The following LPIN1 variants were observed in gnomAD, a reference collection of about 807,000 sequenced individuals.
The protein encoded by LPIN1 is phosphatidate phosphatase LPIN1.
A neutral mutation model predicts 107.5 loss-of-function variants in LPIN1; 71 were observed. The observed-to-expected ratio is 0.66, with a 90% CI of 0.55 to 0.80. LPIN1 has a LOEUF of 0.80. Among genes scored for constraint, LPIN1 ranks in the 30% least tolerant of loss-of-function variants. LPIN1 has a pLI of 0.00. For missense variants in LPIN1, 1,043 were observed against 1,160.6 expected (o/e 0.90, Z 1.47); for synonymous variants, 445 against 452.6 (o/e 0.98, Z 0.21).
In LPIN1 at chr2:11,805,006, A is replaced by T. The variant is rs1183028760; in HGVS notation, c.2163-64A>T. On this transcript the variant is annotated intron_variant, in intron 16 of 20. Coordinates refer to ENST00000674199, the MANE Select transcript of LPIN1 (RefSeq NM_001349206.2). ...TGTTTTTTTTTTTTTTTTATGAGGC[A>T]TGAATGGTGCAATGAATCTGAAAGG... The T allele has an allele frequency of 4.4e-5, 42 of 947,986 alleles. No homozygotes were observed. The African/African-American group carries it at 4.9e-4, about 11-fold the overall frequency. The allele number at this position is 947,986 out of a possible 1,614,324, so 58.7% of individuals were successfully genotyped here. A position where few individuals can be genotyped will look rare whatever the true frequency, so the allele number is the denominator to read the frequency against.
intron 2 of LPIN1, among the ~76,000 whole-genome samples, chr2:11,717,113 TA>T (rs1356301130): frequency 6.6e-6 from 1 of 152,216 alleles, no homozygotes; most frequent in Non-Finnish European, 1.5e-5. Flanking sequence ...GATTTACATT[TA>T]TTTTTGAAAC....
intron 1 of LPIN1, among the ~76,000 whole-genome samples, chr2:11,760,652 G>A (rs1002328642): frequency 2.6e-5 from 4 of 152,126 alleles, no homozygotes; most frequent in African/African-American, 7.2e-5. Flanking sequence ...CTTCGGCTCG[G>A]CATCAGAGGG....
Position 11,820,461 on chromosome 2 carries a change from C to A in LPIN1, c.2568C>A (p.Thr856=). Residue 856 remains threonine, a synonymous_variant, in exon 20 of 21, where the codon ACC becomes ACA. Transcript: ENST00000674199. ...QVGVSLNRIF[T]VNPKGELVQE... The stretch of plus-strand genomic sequence containing the variant: ...GAGTGTCTTTGAATAGAATATTTAC[C>A]GTCAACCCTAAAGGAGAGCTGGTAC... The A allele has an allele frequency of 6.2e-7, 1 of 1,613,474 alleles. No homozygotes were observed. The highest frequency in any genetic ancestry group is 1.1e-5 in the South Asian group (1 of 91,074).
At chr2:11,810,822 G>A (rs554906018) in intron 17 of LPIN1, among the ~76,000 whole-genome samples, 1 of 152,326 alleles carries the variant, frequency 6.6e-6, no homozygotes, top group Non-Finnish European at 1.5e-5. Context: ...CAGTCTAGAA[G>A]CTTGCAAAAT....
chr2:11,754,757 C>T (rs1019482903), intron 1 of LPIN1, among the ~76,000 whole-genome samples: 2 of 152,176 alleles, frequency 1.3e-5, no homozygotes, highest in Non-Finnish European at 2.9e-5. Context: ...TGTGTTAATA[C>T]CCTGCTCCCA....
chr2:11,752,110 G>A (rs1310754237), intron 1 of LPIN1, among the ~76,000 whole-genome samples: 3 of 152,060 alleles, frequency 2.0e-5, no homozygotes, highest in East Asian at 1.9e-4. Context: ...TTTTGTACAC[G>A]GATCTTACTG....
rs1037315277 is a variant in LPIN1, at chr2:11,776,117, C to T, written c.754C>T (p.His252Tyr). The change falls in exon 6 of 21, where the codon CAT (histidine) becomes TAT (tyrosine). Residue 252 changes from histidine (H) to tyrosine (Y), a missense_variant. By Grantham distance (83) the His-to-Tyr change is moderately conservative. Transcript: ENST00000674199. ...GGTAGATTGCAAAAGGACTGCCCCTCATCTTGCAGTTGCGGCCGAGGGAGG... is the reference window on the plus strand; with the variant it reads ...GGTAGATTGCAAAAGGACTGCCCCTTATCTTGCAGTTGCGGCCGAGGGAGG... ...SLVDCKRTAP[H>Y]LAVAAEGGLS... is the part of the protein sequence containing the mutation. 4 of 1,548,612 alleles carry T rather than the reference C, an allele frequency of 2.6e-6. No individual in the cohort carries two copies. The African/African-American group carries it at 4.1e-5, about 16-fold the overall frequency.
intron 1 of LPIN1, among the ~76,000 whole-genome samples, chr2:11,726,649 G>C (rs990151219): frequency 6.6e-6 from 1 of 152,200 alleles, no homozygotes; most frequent in East Asian, 1.9e-4. Flanking sequence ...GCAATCATGT[G>C]ATAGTAGGCA....
At chr2:11,724,654 G>C (rs1664415865) in intron 1 of LPIN1, 1 of 985,224 alleles carries the variant, frequency 1.0e-6, no homozygotes, top group Non-Finnish European at 1.2e-6. Context: ...TAAAGGGCAG[G>C]CAGGGAGGGT....
chr2:11,722,314 G>A (rs906676094), upstream of LPIN1: 21 of 152,192 alleles, frequency 1.4e-4, no homozygotes, highest in African/African-American at 4.8e-4. Context: ...TTAGACACTA[G>A]GCCTCCACAT....
intron 2 of LPIN1, among the ~76,000 whole-genome samples, chr2:11,718,135 C>A (rs150824585): frequency 6.6e-6 from 1 of 152,066 alleles, no homozygotes; most frequent in South Asian, 2.1e-4. Flanking sequence ...CCACTGTGAC[C>A]GGATTGCTAT....
In LPIN1 at chr2:11,724,428, G is replaced by A. The variant is rs1212561167; in HGVS notation, c.-183G>A. On this transcript the variant is annotated 5_prime_UTR_variant, in exon 1 of 22. Transcript: ENST00000396097. ...AGGAACAGGAGGGAAGAGAGATGAA[G>A]GGCAAGACCGGGGCCAGCCATGCCT... 2.5e-5 allele frequency: 25 copies of A among 984,702 alleles called. No individual in the cohort carries two copies. In the East Asian group the frequency reaches 5.7e-4, roughly 22 times the overall value. The allele number at this position is 984,702 out of a possible 1,614,324, so 61.0% of individuals were successfully genotyped here.
chr2:11,785,089 T>C lies in LPIN1; in HGVS notation c.1549+13T>C. 6.5e-7 allele frequency: 1 copy of C among 1,537,874 alleles called. No homozygotes were observed. Among genetic ancestry groups the C allele is most frequent in the Non-Finnish European group, 8.7e-7 (1 of 1,146,698 alleles). The stretch of plus-strand genomic sequence containing the variant: ...GAGATCACGAAAGGTACCGCGGGCC[T>C]CGCGCGGGCGCCCTCTGGTGGCCGC... On this transcript the variant is annotated intron_variant, in intron 10 of 20. Transcript: ENST00000674199.
At chr2:11,746,435 G>T (rs1558787093), upstream of LPIN1, among the ~76,000 whole-genome samples, 2 of 152,194 alleles carry the variant, frequency 1.3e-5, no homozygotes, top group Admixed American at 1.3e-4. Flanking sequence ...GGCCTAAGGG[G>T]CCCCACCCCC....
intron 2 of LPIN1, among the ~76,000 whole-genome samples, chr2:11,716,612 C>T (rs540645930): frequency 3.3e-5 from 5 of 152,000 alleles, no homozygotes; most frequent in Admixed American, 6.6e-5. Flanking sequence ...ATGATGGTGC[C>T]GTGTGTCAGG....
At chr2:11,811,631 A>G (rs576805097) in intron 17 of LPIN1, among the ~76,000 whole-genome samples, 76 of 152,346 alleles carry the variant, frequency 5.0e-4, no homozygotes, top group Middle Eastern at 3.4e-3. Flanking sequence ...TATACATGGA[A>G]ATAGTGATTT....
chr2:11,760,063 G>A lies in LPIN1; in HGVS notation c.-9-5470G>A, dbSNP rs1271386680. Among the ~76,000 whole-genome samples the A allele has an allele frequency of 5.6e-5, 8 of 142,090 alleles. No individual in the cohort carries two copies. The South Asian group carries it at 6.9e-4, about 12-fold the overall frequency. 93.2% of individuals were successfully genotyped at this position (142,090 alleles called of 152,430 possible). A position where few individuals can be genotyped will look rare whatever the true frequency, so the allele number is the denominator to read the frequency against. On this transcript the variant is annotated intron_variant, in intron 1 of 20. Coordinates refer to ENST00000674199, the MANE Select transcript of LPIN1 (RefSeq NM_001349206.2). Reference sequence around the variant, plus strand: ...GACGGGGTCGCGGCCGGGCAGAGGCGCTCCTCACATCCCAGACGGGGCGGC... The same window carrying A: ...GACGGGGTCGCGGCCGGGCAGAGGCACTCCTCACATCCCAGACGGGGCGGC...
chr2:11,776,333 T>G (rs1439255721), intron 6 of LPIN1, 140 bp downstream of exon 6: 7 of 489,404 alleles, frequency 1.4e-5, no homozygotes. Flanking sequence ...AAATTTTGAT[T>G]TAACTTTTAC....
chr2:11,798,386 C>T (rs368131145), intron 14 of LPIN1, among the ~76,000 whole-genome samples: 1 of 152,238 alleles, frequency 6.6e-6, no homozygotes. Context: ...CTGGTGCCAG[C>T]ACTGCTCTTA....
Sources: allele counts gnomAD v4.1 joint callset (sites outside exome capture counted in the v4.1 genomes callset), GRCh38; gene constraint gnomAD v4.1.1; transcripts MANE v1.5; gene names NCBI Gene and HGNC (gene_info 2026-07-23, HGNC 2026-07-21).